CPED1: variants seen among roughly 807,000 people sequenced by gnomAD.
CPED1 encodes the protein cadherin-like and PC-esterase domain-containing protein 1.
In CPED1, 114 loss-of-function variants were observed where a neutral mutation model predicts 128.2. That is an observed-to-expected ratio of 0.89 (90% CI 0.76 to 1.04). CPED1 has a LOEUF of 1.04. Ranked by LOEUF, CPED1 falls within the 50% of genes least tolerant of loss-of-function variation. The pLI is 0.00. For synonymous variants in CPED1, 462 were observed against 426.7 expected, an observed-to-expected ratio of 1.08 and a Z score of -1.02; for missense variants, 1,211 against 1,207.1, an observed-to-expected ratio of 1.00 and a Z score of -0.05.
At chr7:121,014,549 C>CAAAAAAA (rs34128129) in intron 2 of CPED1, among the ~76,000 whole-genome samples, 19 of 116,888 alleles carry the variant, frequency 1.6e-4, no homozygotes, top group Non-Finnish European at 2.7e-4. Context: ...GACTTTGTCT[C>CAAAAAAA]AAAAAAAAAA....
chr7:121,244,067 T>C (rs1466226650), intron 17 of CPED1, 135 bp from the exon 18 acceptor site: 14 of 1,023,738 alleles, frequency 1.4e-5, no homozygotes, highest in Middle Eastern at 2.7e-4. Flanking sequence ...ATGCCTTCAT[T>C]ATTCCACTAG....
chr7:120,994,019 C>G (rs1455643313), intron 2 of CPED1: 3 of 234,074 alleles, frequency 1.3e-5, no homozygotes, highest in Non-Finnish European at 2.8e-5. Context: ...TGAGTAGGAG[C>G]TTCCAGGTCT....
intron 18 of CPED1, among the ~76,000 whole-genome samples, chr7:121,263,405 T>C (rs1230254298): frequency 6.6e-6 from 1 of 152,134 alleles, no homozygotes; most frequent in Non-Finnish European, 1.5e-5. Flanking sequence ...GCATTCATTT[T>C]GTGCTTACAT....
chr7:121,287,779 G>C (rs958695269), intron 22 of CPED1, among the ~76,000 whole-genome samples: 1 of 152,072 alleles, frequency 6.6e-6, no homozygotes, highest in African/African-American at 2.4e-5. Context: ...TGCTATGTCT[G>C]CATTTGTTCA....
intron 5 of CPED1, among the ~76,000 whole-genome samples, chr7:121,069,530 G>A (rs1006762040): frequency 2.0e-5 from 3 of 152,074 alleles, no homozygotes; most frequent in Non-Finnish European, 4.4e-5. Flanking sequence ...ATTGGAGATC[G>A]CACGTAAGGC....
Position 121,130,144 on chromosome 7 carries a change from C to A in CPED1, c.1427C>A (p.Pro476His), listed in dbSNP as rs761412653. Residue 476 changes from proline (P) to histidine (H), a missense_variant, in exon 12 of 23, where the codon CCT becomes CAT. By Grantham distance (77) the Pro-to-His change is moderately conservative. Transcript: ENST00000310396. Reference sequence around the variant, plus strand: ...TCTCAGCTCTTCCCATCTACTACTCCTGGGATTCAGTCACTGATGCATGAA... The same window carrying A: ...TCTCAGCTCTTCCCATCTACTACTCATGGGATTCAGTCACTGATGCATGAA... The part of the protein sequence containing the change: ...QFQLLFPSTT[P>H]GIQSLMHEFY... The A allele has an allele frequency of 6.2e-7, 1 of 1,612,484 alleles. No homozygotes were observed. The highest frequency in any genetic ancestry group is 8.5e-7 in the Non-Finnish European group (1 of 1,178,868).
At chr7:121,096,874 CAG>C (rs1794712052) in intron 5 of CPED1, among the ~76,000 whole-genome samples, 2 of 151,960 alleles carry the variant, frequency 1.3e-5, no homozygotes, top group South Asian at 2.1e-4. Flanking sequence ...AAAAAACAAA[CAG>C]AAATACCTAC....
chr7:121,035,099 C>T (rs996858128), intron 3 of CPED1, among the ~76,000 whole-genome samples: 7 of 151,676 alleles, frequency 4.6e-5, no homozygotes, highest in African/African-American at 1.5e-4. Context: ...GTTTCAGGGA[C>T]CAAAAAAAGG....
At chr7:121,083,106 C>T (rs1794332604) in intron 5 of CPED1, among the ~76,000 whole-genome samples, 2 of 152,146 alleles carry the variant, frequency 1.3e-5, no homozygotes, top group South Asian at 2.1e-4. Context: ...CCTCAGCTCT[C>T]ACTGGCACTC....
intron 18 of CPED1, among the ~76,000 whole-genome samples, chr7:121,262,550 T>G (rs1792042165): frequency 6.6e-6 from 1 of 152,036 alleles, no homozygotes; most frequent in Non-Finnish European, 1.5e-5. Context: ...CCACATCACA[T>G]TTTTTCTCTT....
chr7:121,035,614 G>T (rs1792862758), intron 3 of CPED1, among the ~76,000 whole-genome samples: 1 of 152,074 alleles, frequency 6.6e-6, no homozygotes, highest in South Asian at 2.1e-4. Context: ...TGGGAGGATT[G>T]TGTGAGCCCA....
Position 121,023,099 on chromosome 7 carries a change from C to CT in CPED1, c.433+7252dup, listed in dbSNP as rs142138226. On this transcript the variant is annotated intron_variant, in intron 3 of 22. Transcript: ENST00000310396. ...TCAGTAATATGTAGTTCAAAAGACTCTGACACAGAGTATATTTTATCATTT... is the reference window on the plus strand; with the variant it reads ...TCAGTAATATGTAGTTCAAAAGACTCTTGACACAGAGTATATTTTATCATTT... 3.7e-3 allele frequency among the ~76,000 whole-genome samples: 564 copies of CT among 152,010 alleles called. 4 individuals are homozygous for CT. The highest frequency in any genetic ancestry group is 0.013 in the African/African-American group (547 of 41,488).
At chr7:121,075,743 G>A (rs774016962) in intron 5 of CPED1, among the ~76,000 whole-genome samples, 12 of 152,106 alleles carry the variant, frequency 7.9e-5, no homozygotes, top group Non-Finnish European at 1.5e-4. Context: ...TAAGATTTAT[G>A]TACATTGCAT....
At chr7:121,120,406 C>A (rs977281685) in intron 7 of CPED1, among the ~76,000 whole-genome samples, 1 of 152,120 alleles carries the variant, frequency 6.6e-6, no homozygotes, top group Non-Finnish European at 1.5e-5. Context: ...TTAGTGATAT[C>A]GAGCATCTTT....
chr7:121,050,953 A>C lies in CPED1; in HGVS notation c.540+3960A>C, dbSNP rs1585040853. 6.0e-6 allele frequency: 3 copies of C among 500,678 alleles called. No individual in the cohort carries two copies. The East Asian group carries it at 1.7e-4, about 29-fold the overall frequency. The allele number at this position is 500,678 out of a possible 1,614,324, so 31.0% of individuals were successfully genotyped here. ...TGAAGGGACCATCAAGGAAGAGCCC[A>C]AGAGGAGATTGGCGCAGTTGTCAGC... On this transcript the variant is annotated intron_variant, in intron 4 of 22. Coordinates refer to ENST00000310396, the MANE Select transcript of CPED1 (RefSeq NM_024913.5).
intron 16 of CPED1, among the ~76,000 whole-genome samples, chr7:121,202,413 G>A (rs1015916918): frequency 6.6e-6 from 1 of 152,134 alleles, no homozygotes; most frequent in Non-Finnish European, 1.5e-5. Flanking sequence ...CCAATAGGAG[G>A]CAATGGTTGC....
At chr7:121,284,169 G>A (rs1792516720) in intron 22 of CPED1, among the ~76,000 whole-genome samples, 1 of 152,172 alleles carries the variant, frequency 6.6e-6, no homozygotes, top group Admixed American at 6.5e-5. Flanking sequence ...GAGAAGTACA[G>A]AGTGAAGTGG....
At chr7:121,251,121 T>C (rs1798662470) in intron 18 of CPED1, among the ~76,000 whole-genome samples, 1 of 152,154 alleles carries the variant, frequency 6.6e-6, no homozygotes, top group Non-Finnish European at 1.5e-5. Context: ...TCCACCATGA[T>C]CAAGTGGGCT....
chr7:121,135,362 C>T (rs1421481898), intron 13 of CPED1, among the ~76,000 whole-genome samples: 1 of 151,892 alleles, frequency 6.6e-6, no homozygotes, highest in Non-Finnish European at 1.5e-5. Context: ...CAATGTGTGT[C>T]CCCCTCTCCC....
Sources: allele counts gnomAD v4.1 joint callset (sites outside exome capture counted in the v4.1 genomes callset), GRCh38; gene constraint gnomAD v4.1.1; transcripts MANE v1.5; gene names NCBI Gene and HGNC (gene_info 2026-07-23, HGNC 2026-07-21).